Variants in XRCC5 observed in about 807,000 individuals in gnomAD.
XRCC5 encodes the protein X-ray repair cross complementing 5, also known as DNA repair protein Ku80.
A neutral mutation model predicts 95.7 loss-of-function variants in XRCC5; 12 were observed. The ratio of observed to expected loss-of-function variants is 0.13; its 90% confidence interval spans 0.08 to 0.20. The LOEUF (loss-of-function observed/expected upper bound fraction) is 0.20. XRCC5 is among the 10% of genes least tolerant of loss of function. The probability of loss-of-function intolerance (pLI) is 1.00; values close to 1 mark genes in which losing one functional copy is unlikely to be tolerated. For synonymous variants in XRCC5, 281 were observed against 290.3 expected (o/e 0.97, Z 0.33); for missense variants, 595 against 873.9 (o/e 0.68, Z 4.02).
At position 216,132,260 on chromosome 2, in the gene XRCC5, A is replaced by G. The variant is rs374318333; in HGVS notation, c.1051-65A>G. The G allele has an allele frequency of 1.1e-4, 165 of 1,469,652 alleles. 1 individual carries two copies. The African/African-American group carries it at 1.9e-3, about 17-fold the overall frequency. The allele number at this position is 1,469,652 out of a possible 1,614,324, so 91.0% of individuals were successfully genotyped here. On this transcript the variant is annotated intron_variant, in intron 9 of 20. Coordinates refer to ENST00000392132, the MANE Select transcript of XRCC5 (RefSeq NM_021141.4). ...GGATTTTGAATGGAATTTCTTGGCA[A>G]TGTGTGTCATGGTTATACATGTTAC...
At chr2:216,118,926 C>A (rs1386726889) in intron 4 of XRCC5, 117 bp from the exon 5 acceptor site, 2 of 1,075,246 alleles carry the variant, frequency 1.9e-6, no homozygotes, top group Admixed American at 2.2e-5. Flanking sequence ...AATGTAATCA[C>A]ATTTATTAAC....
intron 14 of XRCC5, 32 bp downstream of exon 14, chr2:216,148,308 G>T: frequency 6.3e-7 from 1 of 1,582,236 alleles, no homozygotes; most frequent in South Asian, 1.2e-5. Context: ...ATTTAACATT[G>T]GGGTACATAA....
chr2:216,183,500 T>C (rs1689431364), intron 16 of XRCC5, among the ~76,000 whole-genome samples: 1 of 152,176 alleles, frequency 6.6e-6, no homozygotes, highest in Non-Finnish European at 1.5e-5. Context: ...TTTTTAGTTA[T>C]TGGTAAGAAT....
chr2:216,192,545 G>A, intron 17 of XRCC5, 94 bp from the exon 18 acceptor site: 1 of 708,960 alleles, frequency 1.4e-6, no homozygotes, highest in Admixed American at 3.2e-5. Context: ...TAATAAATAA[G>A]GTGATTCAGA....
rs764984312 is a variant in XRCC5 at position 216,204,312 on chromosome 2, C to A, written c.2110-10C>A. On this transcript the variant is annotated splice_polypyrimidine_tract_variant and intron_variant, in intron 19 of 20. Coordinates refer to ENST00000392132, the MANE Select transcript of XRCC5 (RefSeq NM_021141.4). ...TCATTTTGGTATGATAACTGACTTTCTATTTACAGTTTCTGGCCCCCAAAG... is the reference window on the plus strand; with the variant it reads ...TCATTTTGGTATGATAACTGACTTTATATTTACAGTTTCTGGCCCCCAAAG... 147 of 1,613,646 alleles carry A rather than the reference C, an allele frequency of 9.1e-5. No homozygotes were observed. The highest frequency in any genetic ancestry group is 1.2e-4 in the Non-Finnish European group (144 of 1,179,706).
chr2:216,203,830 A>G (rs992899233), intron 19 of XRCC5, among the ~76,000 whole-genome samples: 1 of 148,324 alleles, frequency 6.7e-6, no homozygotes, highest in African/African-American at 2.5e-5. Flanking sequence ...GTGGAATTTA[A>G]GAGTAGATTA....
chr2:216,189,418 A>G (rs1380664548), intron 16 of XRCC5, among the ~76,000 whole-genome samples: 1 of 152,242 alleles, frequency 6.6e-6, no homozygotes, highest in Non-Finnish European at 1.5e-5. Context: ...TGATCTGCAC[A>G]GCATTAAGTT....
intron 15 of XRCC5, 109 bp downstream of exon 15, chr2:216,160,270 A>G (rs548593977): frequency 3.0e-6 from 2 of 656,638 alleles, no homozygotes; most frequent in Admixed American, 3.5e-5. Context: ...AGTTAAGATC[A>G]TGATCACTTT....
chr2:216,130,676 A>G (rs539574882), intron 8 of XRCC5, 199 bp from the exon 9 acceptor site: 4 of 488,092 alleles, frequency 8.2e-6, no homozygotes, highest in South Asian at 3.7e-5. Context: ...AATCATCTCT[A>G]TATTGTATGT....
chr2:216,160,159 T>G lies in XRCC5; in HGVS notation c.1762T>G (p.Ser588Ala). The change falls in exon 15 of 21, where the codon TCT becomes GCT. Residue 588 changes from serine (S) to alanine (A), a missense_variant and splice_region_variant. Transcript: ENST00000392132. ...VSSLAEGSVT[S>A]VGSVNPAENF... ...CAGTCTGGCTGAAGGCAGTGTCACC[T>G]CTGTAAGCTAAGCTTTTCAAGTGCG... 2.5e-6 allele frequency: 4 copies of G among 1,602,164 alleles called. No individual in the cohort carries two copies. The highest frequency in any genetic ancestry group is 3.4e-6 in the Non-Finnish European group (4 of 1,173,892).
chr2:216,110,830 G>A (rs986477582), intron 1 of XRCC5, among the ~76,000 whole-genome samples: 7 of 151,946 alleles, frequency 4.6e-5, no homozygotes, highest in African/African-American at 1.7e-4. Flanking sequence ...CATGCCCCAG[G>A]CATTGAAACT....
intron 16 of XRCC5, among the ~76,000 whole-genome samples, chr2:216,168,569 C>G (rs1385825057): frequency 6.6e-6 from 1 of 152,190 alleles, no homozygotes; most frequent in Non-Finnish European, 1.5e-5. Context: ...TCCTGTCAAT[C>G]TGTATCAGAA....
At chr2:216,141,403 A>G in intron 13 of XRCC5, 84 bp downstream of exon 13, 1 of 1,465,858 alleles carries the variant, frequency 6.8e-7, no homozygotes, top group Non-Finnish European at 9.3e-7. Context: ...GCCAGTCCTA[A>G]ATAAATGTCT....
intron 19 of XRCC5, among the ~76,000 whole-genome samples, chr2:216,203,811 T>C (rs1030714675): frequency 1.4e-4 from 21 of 152,074 alleles, no homozygotes; most frequent in African/African-American, 5.1e-4. Flanking sequence ...TTTACTGCTT[T>C]TGTCCACAGT....
chr2:216,112,147 C>G (rs1034994282), intron 1 of XRCC5, among the ~76,000 whole-genome samples: 2 of 152,214 alleles, frequency 1.3e-5, no homozygotes, highest in Non-Finnish European at 2.9e-5. Flanking sequence ...GTATAAATAA[C>G]TTTACATGTA....
chr2:216,109,522 GC>G (rs781655360), intron 1 of XRCC5, 65 bp downstream of exon 1: 2 of 1,605,228 alleles, frequency 1.2e-6, no homozygotes, highest in Non-Finnish European at 1.7e-6. Flanking sequence ...TGGTTCGGAA[GC>G]AGGAATCGTG....
chr2:216,151,898 C>T (rs988550682), intron 14 of XRCC5, among the ~76,000 whole-genome samples: 1 of 152,200 alleles, frequency 6.6e-6, no homozygotes, highest in Non-Finnish European at 1.5e-5. Flanking sequence ...CACAGTTCCA[C>T]ATGGCTGGGG....
intron 16 of XRCC5, among the ~76,000 whole-genome samples, chr2:216,168,722 T>C (rs1689097214): frequency 6.6e-6 from 1 of 152,190 alleles, no homozygotes; most frequent in Admixed American, 6.5e-5. Context: ...GATCTATAAA[T>C]TTAGAAAAAG....
chr2:216,200,203 A>G (rs1689810487), intron 19 of XRCC5, among the ~76,000 whole-genome samples: 1 of 152,168 alleles, frequency 6.6e-6, no homozygotes, highest in Non-Finnish European at 1.5e-5. Flanking sequence ...AATGCCGCCA[A>G]CCACATCTAC....
Sources: allele counts gnomAD v4.1 joint callset (sites outside exome capture counted in the v4.1 genomes callset), GRCh38; gene constraint gnomAD v4.1.1; transcripts MANE v1.5; gene names NCBI Gene and HGNC (gene_info 2026-07-23, HGNC 2026-07-21).